Variants in ARHGAP28 observed in about 807,000 individuals in gnomAD.
ARHGAP28 encodes Rho GTPase activating protein 28.
In ARHGAP28, 56 loss-of-function variants were observed where a neutral mutation model predicts 90.7. The ratio of observed to expected loss-of-function variants is 0.62; its 90% CI spans 0.50 to 0.77. The LOEUF (loss-of-function observed/expected upper bound fraction) is 0.77, where lower values mean the gene tolerates loss of function less well. Among genes scored for constraint, ARHGAP28 ranks in the 30% least tolerant of loss-of-function variants. The probability of loss-of-function intolerance (pLI) is 0.00; values close to 1 mark genes in which losing one functional copy is unlikely to be tolerated. For missense variants in ARHGAP28, 869 were observed against 900.9 expected (o/e 0.96, Z 0.45); for synonymous variants, 308 against 323.3 (o/e 0.95, Z 0.51).
At chr18:6,735,930 G>A (rs539645489) in intron 1 of ARHGAP28, among the ~76,000 whole-genome samples, 8 of 152,268 alleles carry the variant, frequency 5.3e-5, no homozygotes, top group East Asian at 1.9e-4. Context: ...GCGGGTATGC[G>A]ACGTTGACAT....
At chr18:6,895,478 G>A (rs1041666608) in intron 15 of ARHGAP28, among the ~76,000 whole-genome samples, 1 of 152,240 alleles carries the variant, frequency 6.6e-6, no homozygotes, top group Non-Finnish European at 1.5e-5. Context: ...GAGGCTGAAA[G>A]TCCAAAATCA....
intron 17 of ARHGAP28, among the ~76,000 whole-genome samples, chr18:6,911,003 C>A (rs1170078527): frequency 6.6e-6 from 1 of 152,020 alleles, no homozygotes; most frequent in Admixed American, 6.5e-5. Context: ...CATCACCACG[C>A]CCGGCTAATT....
chr18:6,810,047 A>C (rs2056545657), intron 1 of ARHGAP28, among the ~76,000 whole-genome samples: 2 of 152,288 alleles, frequency 1.3e-5, no homozygotes, highest in Non-Finnish European at 2.9e-5. Flanking sequence ...ACTTTGGAGA[A>C]ATTTAGTTTT....
At chr18:6,908,702 C>G (rs2057377713) in intron 16 of ARHGAP28, among the ~76,000 whole-genome samples, 1 of 152,202 alleles carries the variant, frequency 6.6e-6, no homozygotes, top group Non-Finnish European at 1.5e-5. Context: ...CAGCTGTGGC[C>G]TGAATGGGCT....
At chr18:6,731,921 C>G (rs1329500606) in intron 1 of ARHGAP28, among the ~76,000 whole-genome samples, 51 of 152,112 alleles carry the variant, frequency 3.4e-4, no homozygotes, top group Non-Finnish European at 8.8e-5. Context: ...ATACCCTTTC[C>G]TTTAAATTGC....
chr18:6,908,832 G>C (rs1329785427), intron 16 of ARHGAP28, 128 bp from the exon 17 acceptor site: 5 of 652,548 alleles, frequency 7.7e-6, no homozygotes, highest in Non-Finnish European at 1.4e-5. Context: ...CTTCAGTCAT[G>C]ATACAGTTTT....
intron 1 of ARHGAP28, among the ~76,000 whole-genome samples, chr18:6,773,648 T>C (rs566456563): frequency 1.1e-4 from 17 of 152,328 alleles, no homozygotes; most frequent in Non-Finnish European, 2.4e-4. Flanking sequence ...GCATTGCTGC[T>C]TGGTATTTAC....
At chr18:6,839,135 C>T (rs1239527493) in intron 3 of ARHGAP28, among the ~76,000 whole-genome samples, 1 of 152,068 alleles carries the variant, frequency 6.6e-6, no homozygotes, top group Non-Finnish European at 1.5e-5. Flanking sequence ...GACTCCACAA[C>T]AACAACCAAA....
rs2057306649 is a variant in ARHGAP28 at position 6,896,603 on chromosome 18, G to A, written c.2007G>A (p.Leu669=). 4 of 1,613,958 alleles carry A rather than the reference G, an allele frequency of 2.5e-6. No individual in the cohort carries two copies. Among genetic ancestry groups the A allele is most frequent in the Non-Finnish European group, 3.4e-6 (4 of 1,179,968 alleles). ...ATCAAACCAAAGCCAAAGACATATT[G>A]GCAAAATTTCAATATGAAAACAGGT... is the stretch of plus-strand genomic sequence containing the variant. The part of the protein sequence containing the change: ...LNNQTKAKDI[L]AKFQYENSHG... The change falls in exon 16 of 18, where the codon TTG becomes TTA. Residue 669 remains leucine, a synonymous_variant. Transcript: ENST00000383472.
At chr18:6,801,718 T>A (rs1246820215) in intron 1 of ARHGAP28, among the ~76,000 whole-genome samples, 1 of 152,162 alleles carries the variant, frequency 6.6e-6, no homozygotes, top group East Asian at 1.9e-4. Flanking sequence ...TCAGTCTAAT[T>A]GAGATATCCA....
intron 1 of ARHGAP28, among the ~76,000 whole-genome samples, chr18:6,738,769 A>G (rs1305325939): frequency 1.3e-5 from 2 of 151,810 alleles, no homozygotes; most frequent in African/African-American, 2.4e-5. Flanking sequence ...TAAAAAGCAG[A>G]AGAGAGAGAG....
chr18:6,830,405 G>A (rs2056706106), intron 2 of ARHGAP28, among the ~76,000 whole-genome samples: 1 of 151,902 alleles, frequency 6.6e-6, no homozygotes, highest in Non-Finnish European at 1.5e-5. Context: ...ATATACACGT[G>A]CCATGGTGTT....
chr18:6,868,198 C>T lies in ARHGAP28; in HGVS notation c.775C>T (p.Pro259Ser). 1 of 1,614,168 alleles carries T rather than the reference C, an allele frequency of 6.2e-7. No homozygotes were observed. The stretch of plus-strand genomic sequence containing the variant: ...TCTACCAGTTCATTCCAATGGATCA[C>T]CGGAGCCTGGACAGCCAGTTCAGAA... Reference protein sequence around the residue: ...PVLPVHSNGSPEPGQPVQNAI... With the variant: ...PVLPVHSNGSSEPGQPVQNAI... The change falls in exon 6 of 18, where the codon CCG (proline) becomes TCG (serine). Residue 259 changes from proline to serine, a missense_variant. Physicochemically the swap from Pro to Ser is moderately conservative, Grantham distance 74. Coordinates refer to ENST00000383472, the MANE Select transcript of ARHGAP28 (RefSeq NM_001366230.1).
intron 7 of ARHGAP28, among the ~76,000 whole-genome samples, chr18:6,871,062 A>G (rs768076142): frequency 6.6e-6 from 1 of 152,194 alleles, no homozygotes; most frequent in Non-Finnish European, 1.5e-5. Flanking sequence ...GGCCTCTCAA[A>G]GTGCTGGGAT....
rs569885130 is a variant in ARHGAP28 at position 6,830,324 on chromosome 18, A to G, written c.325+5360A>G. On this transcript the variant is annotated intron_variant, in intron 2 of 17. Coordinates refer to ENST00000383472, the MANE Select transcript of ARHGAP28 (RefSeq NM_001366230.1). ...TTTACAATGTTATAATGTGAATGCT[A>G]TTCTTTTTTTATTATTATTATACTT... 9.2e-5 allele frequency among the ~76,000 whole-genome samples: 14 copies of G among 151,572 alleles called. 1 individual carries two copies. In the South Asian group the frequency reaches 2.9e-3, roughly 32 times the overall value.
At chr18:6,737,649 A>T (rs1035183016) in intron 1 of ARHGAP28, among the ~76,000 whole-genome samples, 4 of 152,162 alleles carry the variant, frequency 2.6e-5, no homozygotes, top group African/African-American at 9.6e-5. Context: ...CTGTGCTCTG[A>T]TTATTGAGTT....
At chr18:6,884,568 T>C (rs1303479640) in intron 11 of ARHGAP28, among the ~76,000 whole-genome samples, 1 of 152,138 alleles carries the variant, frequency 6.6e-6, no homozygotes, top group African/African-American at 2.4e-5. Flanking sequence ...AGAATGTTGT[T>C]TGGTTTCTTT....
At chr18:6,743,134 C>A (rs1188876848) in intron 1 of ARHGAP28, among the ~76,000 whole-genome samples, 1 of 151,918 alleles carries the variant, frequency 6.6e-6, no homozygotes, top group Non-Finnish European at 1.5e-5. Flanking sequence ...AGAGGGAGAC[C>A]GACGAGGGGA....
intron 8 of ARHGAP28, 21 bp from the exon 9 acceptor site, chr18:6,873,663 C>G: frequency 6.2e-7 from 1 of 1,606,780 alleles, no homozygotes; most frequent in Non-Finnish European, 8.5e-7. Context: ...TTTTTTCCCC[C>G]TTTACTGTCT....
Sources: gnomAD v4.1 joint callset for allele counts (sites outside exome capture counted in the v4.1 genomes callset) on GRCh38, gnomAD v4.1.1 for gene constraint, MANE v1.5 for transcripts, NCBI Gene and HGNC (gene_info 2026-07-23, HGNC 2026-07-21) for gene names.